PAX5: variants seen among roughly 807,000 people sequenced by gnomAD.
PAX5 encodes paired box protein Pax-5.
PAX5 carries 9 observed loss-of-function variants against 43.7 expected under a neutral mutation model. The ratio of observed to expected loss-of-function variants is 0.21; its 90% CI spans 0.12 to 0.36. The LOEUF (loss-of-function observed/expected upper bound fraction) is 0.36, where lower values mean the gene tolerates loss of function less well. Among genes scored for constraint, PAX5 ranks in the 10% least tolerant of loss-of-function variants. The pLI is 1.00. For missense variants in PAX5, 383 were observed against 532.7 expected, an observed-to-expected ratio of 0.72 and a Z score of 2.77; for synonymous variants, 228 against 214.3, an observed-to-expected ratio of 1.06 and a Z score of -0.56.
At chr9:36,842,478 C>T (rs1822152867) in intron 9 of PAX5, among the ~76,000 whole-genome samples, 1 of 152,178 alleles carries the variant, frequency 6.6e-6, no homozygotes, top group Non-Finnish European at 1.5e-5. Context: ...GACTCTGACC[C>T]ACTCCCTCCC....
At chr9:36,942,622 G>T (rs907295313) in intron 6 of PAX5, among the ~76,000 whole-genome samples, 1 of 152,184 alleles carries the variant, frequency 6.6e-6, no homozygotes, top group Non-Finnish European at 1.5e-5. Flanking sequence ...TTTCATACTG[G>T]GCTTTGTTCT....
chr9:36,943,529 T>TTCTCAC (rs35815065), intron 6 of PAX5, among the ~76,000 whole-genome samples: 204 of 146,016 alleles, frequency 1.4e-3, no homozygotes, highest in Non-Finnish European at 2.0e-3. Context: ...TAGTTCAACA[T>TTCTCAC]ACACACACAC....
intron 3 of PAX5, among the ~76,000 whole-genome samples, chr9:37,014,462 T>G (rs1839220432): frequency 6.6e-6 from 1 of 152,156 alleles, no homozygotes; most frequent in African/African-American, 2.4e-5. Context: ...AGGAAGAGCT[T>G]TGTCAAGGTC....
At chr9:36,912,465 C>T (rs1829375093) in intron 7 of PAX5, among the ~76,000 whole-genome samples, 1 of 152,216 alleles carries the variant, frequency 6.6e-6, no homozygotes, top group South Asian at 2.1e-4. Context: ...TCCCTGCTGA[C>T]ATTCTCAACT....
At position 36,867,327 on chromosome 9, in the gene PAX5, A is replaced by G. The variant is rs1048730531; in HGVS notation, c.1012+14677T>C. On this transcript the variant is annotated intron_variant, in intron 8 of 9. Coordinates refer to ENST00000358127, the MANE Select transcript of PAX5 (RefSeq NM_016734.3). ...TGCTCGTGCCACACCCTTCTTTTGC[A>G]TCACACAATGAAAGCAATTTCTGGG... 1.6e-4 allele frequency among the ~76,000 whole-genome samples: 24 copies of G among 152,214 alleles called. 1 individual carries two copies. Among genetic ancestry groups the G allele is most frequent in the Non-Finnish European group, 5.9e-5 (4 of 68,036 alleles).
intron 1 of PAX5, among the ~76,000 whole-genome samples, chr9:37,026,923 G>A (rs1840445826): frequency 6.6e-6 from 1 of 152,216 alleles, no homozygotes; most frequent in Non-Finnish European, 1.5e-5. Context: ...CCGCCTCCGG[G>A]ACAGCCAGCA....
chr9:37,003,747 G>C (rs1157505984), intron 4 of PAX5, among the ~76,000 whole-genome samples: 3 of 152,210 alleles, frequency 2.0e-5, no homozygotes, highest in African/African-American at 7.2e-5. Context: ...TGAGGCAAGA[G>C]GATCACTTGA....
rs80101608 is a variant in PAX5, at chr9:36,862,067, C to T, written c.1013-15138G>A. On this transcript the variant is annotated intron_variant, in intron 8 of 9. Transcript: ENST00000358127. ...GCCAAAGCCAAGGGCACTCACGGAG[C>T]GGGGCCAGGTGTGTGGAGGCAGCTG... 4.6e-3 allele frequency among the ~76,000 whole-genome samples: 701 copies of T among 152,238 alleles called. 6 individuals carry two copies. Among genetic ancestry groups the T allele is most frequent in the African/African-American group, 0.016 (652 of 41,536 alleles).
At chr9:36,986,392 A>G (rs2132303431) in intron 5 of PAX5, among the ~76,000 whole-genome samples, 1 of 149,700 alleles carries the variant, frequency 6.7e-6, no homozygotes, top group Admixed American at 6.7e-5. Flanking sequence ...CCGGCCGCCG[A>G]TTAGTTTTAT....
At chr9:37,020,297 A>G (rs987079838) in intron 2 of PAX5, among the ~76,000 whole-genome samples, 1 of 152,240 alleles carries the variant, frequency 6.6e-6, no homozygotes, top group South Asian at 2.1e-4. Context: ...AACTCTGGTT[A>G]TGTGATATTA....
chr9:37,034,123 T>TTTTTTTTTTTTG lies in PAX5; in HGVS notation c.-93_-92insCAAAAAAAAAAA. The TTTTTTTTTTTTG allele has an allele frequency of 1.3e-6, 1 of 793,286 alleles. No individual in the cohort carries two copies. Among genetic ancestry groups the TTTTTTTTTTTTG allele is most frequent in the East Asian group, 2.7e-5 (1 of 36,764 alleles). 49.1% of individuals were successfully genotyped at this position (793,286 alleles called of 1,614,324 possible). On this transcript the variant is annotated 5_prime_UTR_variant, in exon 1 of 10. Transcript: ENST00000358127. ...CTTTTTTTTTTTTTTTTTTTTTTTT[T>TTTTTTTTTTTTG]TTTGGTGCCAGGGGCCGCTCACAGG...
intron 9 of PAX5, among the ~76,000 whole-genome samples, chr9:36,843,070 G>T (rs767087127): frequency 8.7e-5 from 13 of 149,690 alleles, no homozygotes; most frequent in Admixed American, 7.3e-4. Flanking sequence ...GTGTGTGAGC[G>T]TGTGTGTGCC....
intron 8 of PAX5, among the ~76,000 whole-genome samples, chr9:36,868,474 T>A (rs540833280): frequency 6.6e-6 from 1 of 152,070 alleles, no homozygotes; most frequent in Non-Finnish European, 1.5e-5. Context: ...GGGACTGCGG[T>A]GGGGGGCTTC....
chr9:36,890,223 A>G (rs1291733389), intron 7 of PAX5, among the ~76,000 whole-genome samples: 1 of 152,128 alleles, frequency 6.6e-6, no homozygotes, highest in Non-Finnish European at 1.5e-5. Flanking sequence ...AGAAAGAAGG[A>G]AGCAAGCCAT....
In PAX5 at chr9:36,833,871, A is replaced by AT. The variant is rs11378713; in HGVS notation, c.*6688dup. On this transcript the variant is annotated 3_prime_UTR_variant, in exon 10 of 10. Transcript: ENST00000358127. ...TGTTGGTTTTTTTGTATTTTTTTGT[A>AT]TTTTTTTTTTTTTACAAGTAAGCGT... 0.72 allele frequency: 156,014 copies of AT among 217,606 alleles called. 51,112 individuals are homozygous for AT. The highest frequency in any genetic ancestry group is 0.82 in the Admixed American group (13,780 of 16,810). The allele number at this position is 217,606 out of a possible 1,614,324, so 13.5% of individuals were successfully genotyped here. A position where few individuals can be genotyped will look rare whatever the true frequency, so the allele number is the denominator to read the frequency against.
chr9:36,934,557 A>T (rs1435166648), intron 6 of PAX5, among the ~76,000 whole-genome samples: 1 of 152,222 alleles, frequency 6.6e-6, no homozygotes, highest in African/African-American at 2.4e-5. Flanking sequence ...TTATCTCAAA[A>T]TAAAAAGTTT....
chr9:37,016,425 C>T (rs921770223), intron 2 of PAX5, among the ~76,000 whole-genome samples: 2 of 152,204 alleles, frequency 1.3e-5, no homozygotes, highest in Admixed American at 1.3e-4. Context: ...CTTCCAGGGA[C>T]CTCCCCTGAG....
chr9:36,997,364 G>A (rs931974115), intron 5 of PAX5, among the ~76,000 whole-genome samples: 4 of 152,226 alleles, frequency 2.6e-5, no homozygotes, highest in South Asian at 2.1e-4. Flanking sequence ...GCACTCCGCT[G>A]ACCTCAGTGT....
rs1336976788 is a variant in PAX5 at position 36,859,789 on chromosome 9, C to A, written c.1013-12860G>T. Among the ~76,000 whole-genome samples, 3 of 152,144 alleles carry A rather than the reference C, an allele frequency of 2.0e-5. No homozygotes were observed. In the East Asian group the frequency reaches 5.8e-4, roughly 29 times the overall value. On this transcript the variant is annotated intron_variant, in intron 8 of 9. Coordinates refer to ENST00000358127, the MANE Select transcript of PAX5 (RefSeq NM_016734.3). ...GTGGTTCACACCTGTAATCCCAGCA[C>A]TTTGGGAGGCCGAGGTAGGTGGATC...
Sources: gnomAD v4.1 joint callset for allele counts (sites outside exome capture counted in the v4.1 genomes callset) on GRCh38, gnomAD v4.1.1 for gene constraint, MANE v1.5 for transcripts, NCBI Gene and HGNC (gene_info 2026-07-23, HGNC 2026-07-21) for gene names.